Variants in FNTB observed in about 807,000 individuals in gnomAD.
FNTB encodes farnesyltransferase, CAAX box, subunit beta.
Under a neutral mutation model 59.4 loss-of-function variants are expected in FNTB, and 27 were observed. That is an observed-to-expected ratio of 0.45 (90% CI 0.34 to 0.63). The LOEUF is 0.63. Among genes scored for constraint, FNTB ranks in the 20% least tolerant of loss-of-function variants. The pLI is 0.02. For missense variants in FNTB, 449 were observed against 559.6 expected (o/e 0.80, Z 1.99); for synonymous variants, 230 against 220.7 (o/e 1.04, Z -0.37).
At chr14:65,019,853 A>C (rs2061853151) in intron 4 of FNTB, among the ~76,000 whole-genome samples, 1 of 152,218 alleles carries the variant, frequency 6.6e-6, no homozygotes, top group African/African-American at 2.4e-5. Flanking sequence ...GATACAGATA[A>C]ATCTTAAGGA....
At chr14:65,020,816 CCACCTCCCGGGTTCAA>C (rs1328696524) in intron 4 of FNTB, among the ~76,000 whole-genome samples, 2 of 150,344 alleles carry the variant, frequency 1.3e-5, no homozygotes, top group Non-Finnish European at 3.0e-5. Flanking sequence ...ACTGCAACCT[CCACCTCCCGGGTTCAA>C]GTGATTCTCC....
chr14:65,040,954 C>T (rs754135429), intron 8 of FNTB, 35 bp downstream of exon 8: 1 of 1,607,116 alleles, frequency 6.2e-7, no homozygotes, highest in East Asian at 2.2e-5. Context: ...CTCTCAGGCC[C>T]CAGGTCATGG....
At chr14:65,033,534 C>CT (rs2062127076) in intron 7 of FNTB, among the ~76,000 whole-genome samples, 1 of 152,162 alleles carries the variant, frequency 6.6e-6, no homozygotes, top group Admixed American at 6.5e-5. Context: ...GTTTGCTGTA[C>CT]TTTCCTGGAT....
chr14:65,041,472 G>A (rs1183575363), intron 8 of FNTB, among the ~76,000 whole-genome samples: 1 of 152,136 alleles, frequency 6.6e-6, no homozygotes, highest in African/African-American at 2.4e-5. Flanking sequence ...GTAGTTAAAT[G>A]ATCAGTGGGT....
chr14:65,003,735 G>A (rs913262832), intron 1 of FNTB: 1 of 152,322 alleles, frequency 6.6e-6, no homozygotes, highest in South Asian at 2.1e-4. Flanking sequence ...ATTGATAATA[G>A]TTTCCTCTGA....
intron 9 of FNTB, among the ~76,000 whole-genome samples, chr14:65,046,143 A>G (rs1408499210): frequency 2.0e-5 from 3 of 151,602 alleles, no homozygotes; most frequent in East Asian, 1.9e-4. Context: ...CGCCCAGCCA[A>G]TTTTGTATTT....
chr14:65,027,916 T>A lies in FNTB; in HGVS notation c.605+135T>A. ...AATGACACATGGGATGACATGTCAG[T>A]GACACGTCAGAATCATTCAGATGTG... On this transcript the variant is annotated intron_variant, in intron 6 of 11. Coordinates refer to ENST00000246166, the MANE Select transcript of FNTB (RefSeq NM_002028.4). The surrounding 1 kb of genome is among the most constrained non-coding windows in gnomAD (Gnocchi z 5.7). The A allele has an allele frequency of 8.8e-7, 1 of 1,130,240 alleles. No individual in the cohort carries two copies. The highest frequency in any genetic ancestry group is 1.3e-6 in the Non-Finnish European group (1 of 782,608). 70.0% of individuals were successfully genotyped at this position (1,130,240 alleles called of 1,614,324 possible).
At chr14:65,049,521 G>C (rs1659231112) in intron 9 of FNTB, among the ~76,000 whole-genome samples, 1 of 152,110 alleles carries the variant, frequency 6.6e-6, no homozygotes, top group South Asian at 2.1e-4. Flanking sequence ...ATGTGTGCTG[G>C]TGTCCAAATT....
intron 2 of FNTB, chr14:65,006,324 T>C (rs1391055324): frequency 6.2e-7 from 1 of 1,610,728 alleles, no homozygotes; most frequent in East Asian, 2.2e-5. Context: ...CTTACTAGTA[T>C]AGTCTTTCCC....
rs1055497869 is a variant in FNTB at position 64,991,792 on chromosome 14, G to A, written c.144+4695G>A. On this transcript the variant is annotated intron_variant, in intron 1 of 11. Transcript: ENST00000246166. The surrounding 1 kb of genome is among the most constrained non-coding windows in gnomAD (Gnocchi z 4.4). ...GAGTTTGGGGCAGCCATTCAAGGAG[G>A]GAGAGCTGTTTTGAGGGAAGACTCA... is the stretch of plus-strand genomic sequence containing the variant. Among the ~76,000 whole-genome samples, 1 of 152,106 alleles carries A rather than the reference G, an allele frequency of 6.6e-6. No homozygotes were observed. Among genetic ancestry groups the A allele is most frequent in the Non-Finnish European group, 1.5e-5 (1 of 68,014 alleles).
In FNTB at chr14:65,011,431, G is replaced by GAA. The variant is rs767329195; in HGVS notation, c.210-866_210-865dup. 0.064 allele frequency among the ~76,000 whole-genome samples: 5,119 copies of GAA among 79,952 alleles called. 484 individuals are homozygous for GAA. Among genetic ancestry groups the GAA allele is most frequent in the African/African-American group, 0.2 (4,734 of 23,610 alleles). 52.5% of individuals were successfully genotyped at this position (79,952 alleles called of 152,430 possible). ...GTGACAGAGCGAGACTCCGTCTCAG[G>GAA]AAAAAAAAAAAAAAAAAAAAAGACT... On this transcript the variant is annotated intron_variant, in intron 2 of 11. Coordinates refer to ENST00000246166, the MANE Select transcript of FNTB (RefSeq NM_002028.4). The surrounding 1 kb of genome is among the most constrained non-coding windows in gnomAD (Gnocchi z 4.0).
At chr14:65,033,294 AG>A (rs1340556855) in intron 7 of FNTB, among the ~76,000 whole-genome samples, 5 of 152,268 alleles carry the variant, frequency 3.3e-5, no homozygotes, top group African/African-American at 9.6e-5. Context: ...GAAACATGCA[AG>A]AGAATTCTGT....
intron 2 of FNTB, chr14:65,006,293 G>A (rs763949994): frequency 1.1e-5 from 18 of 1,612,344 alleles, no homozygotes; most frequent in Non-Finnish European, 1.4e-5. Flanking sequence ...CCCTGGGGAA[G>A]GAAAGGAGGA....
rs2061655163 is a variant in FNTB at position 65,009,741 on chromosome 14, A to G, written c.210-2576A>G. Among the ~76,000 whole-genome samples, 1 of 152,076 alleles carries G rather than the reference A, an allele frequency of 6.6e-6. No homozygotes were observed. The highest frequency in any genetic ancestry group is 2.1e-4 in the South Asian group (1 of 4,826). ...TGAACTAAACTAACTCAAATGTGTC[A>G]TGGTGTTTTCTTCATTTTGCCTGCT... On this transcript the variant is annotated intron_variant, in intron 2 of 11. Coordinates refer to ENST00000246166, the MANE Select transcript of FNTB (RefSeq NM_002028.4). The surrounding 1 kb of genome is among the most constrained non-coding windows in gnomAD (Gnocchi z 4.2).
rs1288373651 is a variant in FNTB at position 65,001,859 on chromosome 14, G to A, written c.145-2390G>A. 1.3e-5 allele frequency among the ~76,000 whole-genome samples: 2 copies of A among 152,174 alleles called. No individual in the cohort carries two copies. The highest frequency in any genetic ancestry group is 4.8e-5 in the African/African-American group (2 of 41,440). ...ACAACTTTCTTATTCCTCCCAAGTC[G>A]GATTCTCATGGTGACGTCAGTCTGT... On this transcript the variant is annotated intron_variant, in intron 1 of 11. Coordinates refer to ENST00000246166, the MANE Select transcript of FNTB (RefSeq NM_002028.4). The surrounding 1 kb of genome is among the most constrained non-coding windows in gnomAD (Gnocchi z 5.5).
intron 11 of FNTB, among the ~76,000 whole-genome samples, chr14:65,059,979 A>G (rs2062824761): frequency 1.3e-5 from 2 of 150,994 alleles, no homozygotes; most frequent in South Asian, 2.1e-4. Flanking sequence ...GATTACAGAC[A>G]CTCACCATCA....
rs2061608281 is a variant in FNTB, at chr14:65,007,181, G to A, written c.209+2868G>A. Among the ~76,000 whole-genome samples, 2 of 152,158 alleles carry A rather than the reference G, an allele frequency of 1.3e-5. No individual in the cohort carries two copies. Among genetic ancestry groups the A allele is most frequent in the South Asian group, 4.1e-4 (2 of 4,830 alleles). ...GGCAAACATCACCATCATAGAATAA[G>A]CGAGGATATAAGAATAAATTAGAAA... On this transcript the variant is annotated intron_variant, in intron 2 of 11. Transcript: ENST00000246166. The surrounding 1 kb of genome is among the most constrained non-coding windows in gnomAD (Gnocchi z 4.9).
chr14:65,046,044 A>G lies in FNTB; in HGVS notation c.955+1601A>G, dbSNP rs1258334975. Among the ~76,000 whole-genome samples the G allele has an allele frequency of 4.6e-5, 7 of 151,956 alleles. No homozygotes were observed. The East Asian group carries it at 9.7e-4, about 21-fold the overall frequency. ...CTCTTGTTGCCCAGGCCGGAGTGCA[A>G]TGGATCACTGCAACCTCTGCCCCCT... On this transcript the variant is annotated intron_variant, in intron 9 of 11. Transcript: ENST00000246166.
In FNTB at chr14:64,991,858, G is replaced by A. The variant is rs1443760443; in HGVS notation, c.144+4761G>A. Among the ~76,000 whole-genome samples, 1 of 152,116 alleles carries A rather than the reference G, an allele frequency of 6.6e-6. No individual in the cohort carries two copies. The highest frequency in any genetic ancestry group is 1.5e-5 in the Non-Finnish European group (1 of 68,020). On this transcript the variant is annotated intron_variant, in intron 1 of 11. Transcript: ENST00000246166. The surrounding 1 kb of genome is among the most constrained non-coding windows in gnomAD (Gnocchi z 4.4). The stretch of plus-strand genomic sequence containing the variant: ...GTTAAGATGGCTTACCAGGAACGGA[G>A]GGTGCAGGTTGGATGTGGTAGGAAA...
Sources: allele counts gnomAD v4.1 joint callset (sites outside exome capture counted in the v4.1 genomes callset), GRCh38; gene constraint gnomAD v4.1.1; non-coding constraint Gnocchi (gnomAD v3.1); transcripts MANE v1.5; gene names NCBI Gene and HGNC (gene_info 2026-07-23, HGNC 2026-07-21).